HCLS1: variants seen among roughly 807,000 people sequenced by gnomAD.
HCLS1 encodes hematopoietic cell-specific Lyn substrate 1.
Under a neutral mutation model 68.6 loss-of-function variants are expected in HCLS1, and 44 were observed. The observed-to-expected ratio is 0.64, with a 90% CI of 0.50 to 0.82. The LOEUF is 0.82. Ranked by LOEUF, HCLS1 falls within the 40% of genes least tolerant of loss-of-function variation. HCLS1 has a pLI of 0.00. For missense variants in HCLS1, 602 were observed against 612.1 expected, an observed-to-expected ratio of 0.98 and a Z score of 0.17; for synonymous variants, 217 against 225.8, an observed-to-expected ratio of 0.96 and a Z score of 0.35.
At chr3:121,638,811 CAAT>C (rs1273828750) in intron 6 of HCLS1, among the ~76,000 whole-genome samples, 1 of 152,124 alleles carries the variant, frequency 6.6e-6, no homozygotes, top group Non-Finnish European at 1.5e-5. Context: ...GATAAAAGAA[CAAT>C]ACCTTACATC....
chr3:121,647,850 G>GT (rs1365058430), intron 3 of HCLS1, among the ~76,000 whole-genome samples: 4 of 151,566 alleles, frequency 2.6e-5, no homozygotes, highest in Admixed American at 2.0e-4. Context: ...ACATACCATT[G>GT]GACCTACACA....
chr3:121,659,970 A>C (rs536213782), intron 1 of HCLS1, among the ~76,000 whole-genome samples: 1 of 152,310 alleles, frequency 6.6e-6, no homozygotes, highest in East Asian at 1.9e-4. Context: ...TGACCTATTG[A>C]CCAGAAACCA....
chr3:121,650,186 G>C (rs140529957), intron 3 of HCLS1, among the ~76,000 whole-genome samples: 1 of 152,064 alleles, frequency 6.6e-6, no homozygotes, highest in Non-Finnish European at 1.5e-5. Context: ...TAAATAAATG[G>C]AGAGATATCC....
intron 3 of HCLS1, among the ~76,000 whole-genome samples, chr3:121,650,475 T>A (rs968473414): frequency 6.6e-6 from 1 of 151,770 alleles, no homozygotes; most frequent in African/African-American, 2.4e-5. Context: ...GGGTAGAAAA[T>A]AGATCAACAG....
Position 121,631,664 on chromosome 3 carries a change from C to T in HCLS1, c.*182G>A. 1.6e-5 allele frequency: 10 copies of T among 613,680 alleles called. 1 individual carries two copies. In the South Asian group the frequency reaches 2.0e-4, roughly 12 times the overall value. 38.0% of individuals were successfully genotyped at this position (613,680 alleles called of 1,614,324 possible). On this transcript the variant is annotated 3_prime_UTR_variant, in exon 14 of 14. Transcript: ENST00000314583. ...ATGAGCTCATCCAGGATAGAGAGGA[C>T]TCTTGGGGAAGGGGACCTCCTTCCC...
intron 3 of HCLS1, among the ~76,000 whole-genome samples, chr3:121,648,486 G>A (rs569027548): frequency 4.5e-4 from 68 of 152,246 alleles, no homozygotes; most frequent in Non-Finnish European, 8.1e-4. Context: ...GGGGATTCTT[G>A]GAAACATTTG....
At chr3:121,646,701 A>G (rs1042534000) in intron 4 of HCLS1, among the ~76,000 whole-genome samples, 1 of 125,926 alleles carries the variant, frequency 7.9e-6, no homozygotes, top group Admixed American at 9.4e-5. Context: ...TATAATATAC[A>G]TTATATTATA....
At chr3:121,646,981 A>T (rs1234043668) in intron 4 of HCLS1, among the ~76,000 whole-genome samples, 38 of 80,948 alleles carry the variant, frequency 4.7e-4, no homozygotes, top group East Asian at 3.9e-3. Context: ...TATTTATTTT[A>T]TTTATTTTTT....
Position 121,632,150 on chromosome 3 carries a change from C to A in HCLS1, c.1275G>T (p.Gly425=), listed in dbSNP as rs2049103913. 1.2e-6 allele frequency: 2 copies of A among 1,603,972 alleles called. No homozygotes were observed. Among genetic ancestry groups the A allele is most frequent in the Non-Finnish European group, 1.7e-6 (2 of 1,172,000 alleles). The change falls in exon 13 of 14, where the codon GGG becomes GGT. Residue 425 remains glycine, a synonymous_variant. Coordinates refer to ENST00000314583, the MANE Select transcript of HCLS1 (RefSeq NM_005335.6). ...CAGCTGAGATCCCCAGAGCCACAGC[C>A]CCAGCCCCAGCCCCAGCCGGGCAGC... is the stretch of plus-strand genomic sequence containing the variant. ...SSGCPAGAGA[G]AVALGISAVA...
At chr3:121,643,469 A>G (rs2049219323) in intron 5 of HCLS1, 1 of 160,476 alleles carries the variant, frequency 6.2e-6, no homozygotes, top group South Asian at 1.8e-4. Flanking sequence ...CTTGTAAAGT[A>G]TAAAGCACTC....
In HCLS1 at chr3:121,636,438, T is replaced by A. The variant is rs1173411594; in HGVS notation, c.617A>T (p.Asp206Val). The change falls in exon 8 of 14, where the codon GAT becomes GTT. Residue 206 changes from aspartate to valine, a missense_variant. Asp to Val is a radical substitution (Grantham distance 152). Coordinates refer to ENST00000314583, the MANE Select transcript of HCLS1 (RefSeq NM_005335.6). ...ATTGGTGTTCCGGTGCTTTACCTTATCCACTCGGTCCTTCTGGATTCCATA... is the reference window on the plus strand; with the variant it reads ...ATTGGTGTTCCGGTGCTTTACCTTAACCACTCGGTCCTTCTGGATTCCATA... ...GQYGIQKDRV[D>V]KSAVGFNEME... 3 of 1,612,364 alleles carry A rather than the reference T, an allele frequency of 1.9e-6. No individual in the cohort carries two copies. The highest frequency in any genetic ancestry group is 2.2e-5 in the East Asian group (1 of 44,856).
intron 6 of HCLS1, among the ~76,000 whole-genome samples, chr3:121,640,377 C>T (rs2049185713): frequency 6.6e-6 from 1 of 152,120 alleles, no homozygotes; most frequent in African/African-American, 2.4e-5. Context: ...ACAAATATCC[C>T]TCTCCTTCAC....
chr3:121,656,480 AG>A (rs1463881320), intron 3 of HCLS1, among the ~76,000 whole-genome samples: 2 of 152,234 alleles, frequency 1.3e-5, no homozygotes, highest in Non-Finnish European at 2.9e-5. Context: ...GGAAGAGAGA[AG>A]GGGATCTCTC....
chr3:121,635,876 G>A, intron 8 of HCLS1, 72 bp from the exon 9 acceptor site: 1 of 1,165,716 alleles, frequency 8.6e-7, no homozygotes, highest in Non-Finnish European at 1.3e-6. Flanking sequence ...GGTAGTATTG[G>A]GGGTTGGGGG....
At chr3:121,634,095 T>A in intron 10 of HCLS1, 112 bp downstream of exon 10, 1 of 1,547,496 alleles carries the variant, frequency 6.5e-7, no homozygotes, top group Non-Finnish European at 8.7e-7. Flanking sequence ...CAACAGACCT[T>A]GCCTAACCCA....
chr3:121,659,851 G>C (rs1174647731), intron 1 of HCLS1, among the ~76,000 whole-genome samples: 1 of 152,172 alleles, frequency 6.6e-6, no homozygotes, highest in African/African-American at 2.4e-5. Context: ...GAGGACTGAT[G>C]GTCCCATCCT....
chr3:121,646,012 T>G (rs2049243250), intron 4 of HCLS1, among the ~76,000 whole-genome samples: 1 of 132,850 alleles, frequency 7.5e-6, no homozygotes, highest in African/African-American at 2.8e-5. Flanking sequence ...AATATATTTA[T>G]AAATAATTAT....
In HCLS1 at chr3:121,657,285, T is replaced by C; in HGVS notation, c.152A>G (p.His51Arg). The stretch of plus-strand genomic sequence containing the variant: ...CAGTCCTTTCGGCACCTACTTGATG[T>C]GTTCTGTGCGTCCAGACCCCTCGAT... Reference protein sequence around the residue: ...KTIEGSGRTEHINIHQLRNKV... With the variant: ...KTIEGSGRTERINIHQLRNKV... Residue 51 changes from histidine to arginine, a missense_variant, in exon 3 of 14, where the codon CAC becomes CGC. By Grantham distance (29) the His-to-Arg change is conservative. Coordinates refer to ENST00000314583, the MANE Select transcript of HCLS1 (RefSeq NM_005335.6). 1 of 1,613,874 alleles carries C rather than the reference T, an allele frequency of 6.2e-7. No individual in the cohort carries two copies. The highest frequency in any genetic ancestry group is 8.5e-7 in the Non-Finnish European group (1 of 1,179,786).
chr3:121,646,768 A>G (rs1052909181), intron 4 of HCLS1, among the ~76,000 whole-genome samples: 4 of 135,408 alleles, frequency 3.0e-5, no homozygotes, highest in Non-Finnish European at 4.6e-5. Context: ...TTATATAATT[A>G]TATACTTACA....
Sources: allele counts gnomAD v4.1 joint callset (sites outside exome capture counted in the v4.1 genomes callset), GRCh38; gene constraint gnomAD v4.1.1; transcripts MANE v1.5; gene names NCBI Gene and HGNC (gene_info 2026-07-23, HGNC 2026-07-21).